MTOR: variants seen among roughly 807,000 people sequenced by gnomAD.
MTOR encodes the protein mechanistic target of rapamycin kinase, also known as serine/threonine-protein kinase mTOR.
Under a neutral mutation model 319.8 loss-of-function variants are expected in MTOR, and 70 were observed. That is an observed-to-expected ratio of 0.22 (90% CI 0.18 to 0.27). The LOEUF (loss-of-function observed/expected upper bound fraction) is 0.27, where lower values mean the gene tolerates loss of function less well. Among genes scored for constraint, MTOR ranks in the 10% least tolerant of loss-of-function variants. The probability of loss-of-function intolerance (pLI) is 1.00; values close to 1 mark genes in which losing one functional copy is unlikely to be tolerated. For synonymous variants in MTOR, 1,183 were observed against 1,211.4 expected, an observed-to-expected ratio of 0.98 and a Z score of 0.49; for missense variants, 1,890 against 3,274.4, an observed-to-expected ratio of 0.58 and a Z score of 10.32.
intron 28 of MTOR, among the ~76,000 whole-genome samples, chr1:11,196,749 A>T (rs1000311924): frequency 6.6e-6 from 1 of 151,818 alleles, no homozygotes; most frequent in Non-Finnish European, 1.5e-5. Context: ...CTACTTAGGA[A>T]GCTGAGGCAG....
In MTOR at chr1:11,243,097, A is replaced by G. The variant is rs1189696550; in HGVS notation, c.1412+17T>C. 4.3e-6 allele frequency: 7 copies of G among 1,612,784 alleles called. No individual in the cohort carries two copies. The highest frequency in any genetic ancestry group is 3.4e-5 in the Admixed American group (2 of 59,558). The stretch of plus-strand genomic sequence containing the variant: ...ACCAAATGGAGTGGAAGGTGAAATC[A>G]TAACAGAGGTGCTTACTTATGGGCG... On this transcript the variant is annotated intron_variant, in intron 9 of 57. Transcript: ENST00000361445.
At chr1:11,192,205 TA>T in intron 28 of MTOR, 1 of 1,228,180 alleles carries the variant, frequency 8.1e-7, no homozygotes, top group Non-Finnish European at 1.2e-6. Flanking sequence ...GCTCAGTCTC[TA>T]AACACTCAAC....
At chr1:11,176,373 G>A (rs965330375) in intron 28 of MTOR, among the ~76,000 whole-genome samples, 2 of 152,280 alleles carry the variant, frequency 1.3e-5, no homozygotes, top group South Asian at 2.1e-4. Flanking sequence ...ACAAGGCGGC[G>A]CCTGTCGGAA....
intron 19 of MTOR, among the ~76,000 whole-genome samples, chr1:11,221,867 G>A (rs1272100480): frequency 1.3e-5 from 2 of 150,536 alleles, no homozygotes; most frequent in Non-Finnish European, 3.0e-5. Flanking sequence ...ACAATAAGAT[G>A]ACTAAATGAC....
chr1:11,185,249 C>CTTT (rs111731836), intron 28 of MTOR, among the ~76,000 whole-genome samples: 2 of 139,442 alleles, frequency 1.4e-5, no homozygotes, highest in African/African-American at 5.2e-5. Flanking sequence ...ATCAGAGAGA[C>CTTT]TTTTTTTTTT....
At position 11,235,959 on chromosome 1, in the gene MTOR, C is replaced by T. The variant is rs141130773; in HGVS notation, c.2209-1694G>A. 8.1e-3 allele frequency among the ~76,000 whole-genome samples: 1,219 copies of T among 150,698 alleles called. 24 individuals are homozygous for T. Among genetic ancestry groups the T allele is most frequent in the African/African-American group, 0.027 (1,126 of 41,056 alleles). On this transcript the variant is annotated intron_variant, in intron 13 of 57. Coordinates refer to ENST00000361445, the MANE Select transcript of MTOR (RefSeq NM_004958.4). ...ATCACACTACTGCACTCCAGCCTGG[C>T]GACAGAGCGAGACTGTGTCTCAAAA...
chr1:11,134,578 C>A, intron 36 of MTOR, 112 bp from the exon 37 acceptor site: 1 of 807,508 alleles, frequency 1.2e-6, no homozygotes, highest in African/African-American at 1.7e-5. Flanking sequence ...AACAGAATAC[C>A]CTAGAGCACA....
In MTOR at chr1:11,118,609, TTTC is replaced by T. The variant is rs1216762375; in HGVS notation, c.6934-1526_6934-1524del. On this transcript the variant is annotated intron_variant, in intron 49 of 57. Transcript: ENST00000361445. ...AATGGCTTTTCATAGGTGTGGTCTT[TTTC>T]TTCTTCTTTTTTTTTTTTTTTTTTG... 1.6e-4 allele frequency among the ~76,000 whole-genome samples: 24 copies of T among 149,562 alleles called. No individual in the cohort carries two copies. In the South Asian group the frequency reaches 2.1e-3, roughly 13 times the overall value.
chr1:11,234,387 T>C, intron 13 of MTOR, 122 bp from the exon 14 acceptor site: 2 of 1,138,862 alleles, frequency 1.8e-6, no homozygotes, highest in South Asian at 1.5e-5. Flanking sequence ...ACAGATGAAG[T>C]AGCTGCTAGA....
chr1:11,256,795 C>G (rs1650458821), intron 4 of MTOR, 138 bp downstream of exon 4: 1 of 785,030 alleles, frequency 1.3e-6, no homozygotes, highest in African/African-American at 1.7e-5. Context: ...AGGACGGACT[C>G]TACCCCATCT....
intron 7 of MTOR, 23 bp downstream of exon 7, chr1:11,247,796 G>A (rs201195688): frequency 3.6e-5 from 58 of 1,611,890 alleles, no homozygotes; most frequent in Non-Finnish European, 5.9e-6. Context: ...AGGAAAAGAG[G>A]GAAAGGGCCT....
chr1:11,192,356 A>G (rs962751198), intron 28 of MTOR: 41 of 1,613,288 alleles, frequency 2.5e-5, no homozygotes, highest in Non-Finnish European at 3.5e-5. Flanking sequence ...CTTCCTGGGC[A>G]GCCCTGAACT....
intron 38 of MTOR, chr1:11,132,786 G>T: frequency 3.2e-6 from 1 of 312,398 alleles, no homozygotes; most frequent in Non-Finnish European, 5.9e-6. Flanking sequence ...CATGTGTCCA[G>T]ATGCTCCCAG....
At position 11,241,543 on chromosome 1, in the gene MTOR, T is replaced by A; in HGVS notation, c.1541+10A>T. ...CTGATACAGGGCAAGCTCAGGTTTC[T>A]GACACCCACCTTAGTCCCACTGCCA... On this transcript the variant is annotated intron_variant, in intron 10 of 57. Coordinates refer to ENST00000361445, the MANE Select transcript of MTOR (RefSeq NM_004958.4). The A allele has an allele frequency of 1.2e-6, 2 of 1,605,398 alleles. No individual in the cohort carries two copies. The highest frequency in any genetic ancestry group is 1.7e-6 in the Non-Finnish European group (2 of 1,174,302).
At position 11,226,569 on chromosome 1, in the gene MTOR, T is replaced by G. The variant is rs1262279974; in HGVS notation, c.3030+2099A>C. On this transcript the variant is annotated intron_variant, in intron 19 of 57. Transcript: ENST00000361445. Reference sequence around the variant, plus strand: ...GCTTTGGGAGGCCAAGGTGGGCAGATAGCTTGAGCCCAGGAGTTTGATACC... The same window carrying G: ...GCTTTGGGAGGCCAAGGTGGGCAGAGAGCTTGAGCCCAGGAGTTTGATACC... 2.0e-5 allele frequency among the ~76,000 whole-genome samples: 3 copies of G among 152,268 alleles called. No homozygotes were observed. The South Asian group carries it at 6.2e-4, about 32-fold the overall frequency.
chr1:11,250,661 G>A (rs1002567723), intron 6 of MTOR, among the ~76,000 whole-genome samples: 5 of 151,972 alleles, frequency 3.3e-5, no homozygotes, highest in African/African-American at 1.2e-4. Flanking sequence ...ACATCTATAC[G>A]CTGACAATGC....
rs2100361551 is a variant in MTOR at position 11,121,979 on chromosome 1, C to T, written c.6810G>A (p.Arg2270=). Residue 2270 remains arginine (R), a splice_region_variant and synonymous_variant, in exon 48 of 58, where the codon CGG becomes CGA. Coordinates refer to ENST00000361445, the MANE Select transcript of MTOR (RefSeq NM_004958.4). The surrounding 1 kb of genome is among the most constrained non-coding windows in gnomAD (Gnocchi z 4.9). ...LLNIEHRIML[R]MAPDYDHLTL... is the part of the protein sequence containing the mutation. ...TAGCTCTCGTGGCCGCATCACATAC[C>T]CGCAACATGATGCGATGCTCGATGT... 2 of 1,613,954 alleles carry T rather than the reference C, an allele frequency of 1.2e-6. No homozygotes were observed. Among genetic ancestry groups the T allele is most frequent in the Non-Finnish European group, 1.7e-6 (2 of 1,179,908 alleles).
chr1:11,179,449 G>A (rs1185075860), intron 28 of MTOR, among the ~76,000 whole-genome samples: 2 of 152,246 alleles, frequency 1.3e-5, no homozygotes, highest in East Asian at 3.8e-4. Flanking sequence ...TTGTAGAAGA[G>A]TTTAGGGATA....
intron 29 of MTOR, 92 bp from the exon 30 acceptor site, chr1:11,157,383 G>A (rs2100569826): frequency 6.9e-7 from 1 of 1,450,190 alleles, no homozygotes; most frequent in Non-Finnish European, 9.3e-7. Flanking sequence ...ATGTGCTGCT[G>A]TACGCATGAC....
Sources: allele counts gnomAD v4.1 joint callset (sites outside exome capture counted in the v4.1 genomes callset), GRCh38; gene constraint gnomAD v4.1.1; non-coding constraint Gnocchi (gnomAD v3.1); transcripts MANE v1.5; gene names NCBI Gene and HGNC (gene_info 2026-07-23, HGNC 2026-07-21).